IZUMO2: variants seen among roughly 807,000 people sequenced by gnomAD.
IZUMO2 encodes izumo sperm-egg fusion protein 2.
In IZUMO2, 24 loss-of-function variants were observed where a neutral mutation model predicts 31.2. That is an observed-to-expected ratio of 0.77 (90% CI 0.56 to 1.08). IZUMO2 has a LOEUF of 1.08. Ranked by LOEUF, IZUMO2 falls within the 50% of genes least tolerant of loss-of-function variation. IZUMO2 has a pLI of 0.00. For missense variants in IZUMO2, 278 were observed against 274.0 expected, an observed-to-expected ratio of 1.01 and a Z score of -0.10; for synonymous variants, 144 against 117.3, an observed-to-expected ratio of 1.23 and a Z score of -1.47.
chr19:50,163,167 G>A lies in IZUMO2; in HGVS notation c.28C>T (p.Leu10Phe), dbSNP rs779520719. 1.7e-5 allele frequency: 26 copies of A among 1,558,532 alleles called. No individual in the cohort carries two copies. Among genetic ancestry groups the A allele is most frequent in the Non-Finnish European group, 2.2e-5 (25 of 1,152,398 alleles). The change falls in exon 1 of 7, where the codon CTC (leucine) becomes TTC (phenylalanine). Residue 10 changes from leucine to phenylalanine, a missense_variant. Transcript: ENST00000293405. MPLALTLLLLSGLGAPGGWG... is the reference protein window; with the variant it reads MPLALTLLLFSGLGAPGGWG... ...CCTCCGGGGGCGCCCAAGCCCGAGA[G>A]CAGCAGAAGGGTCAAAGCCAGAGGC...
chr19:50,159,282 T>G lies in IZUMO2; in HGVS notation c.395-32A>C, dbSNP rs985621256. 18 of 1,607,360 alleles carry G rather than the reference T, an allele frequency of 1.1e-5. No individual in the cohort carries two copies. The African/African-American group carries it at 2.3e-4, about 20-fold the overall frequency. On this transcript the variant is annotated intron_variant, in intron 3 of 6. Coordinates refer to ENST00000293405, the MANE Select transcript of IZUMO2 (RefSeq NM_152358.3). ...GAGAAAATTGCTGAGGTGAGTTAAA[T>G]TGGGATGGCAACTTGATAATTTAAT...
intron 2 of IZUMO2, 104 bp downstream of exon 2, chr19:50,162,635 T>A: frequency 1.1e-6 from 1 of 942,174 alleles, no homozygotes; most frequent in South Asian, 1.4e-5. Context: ...AAAAAAAGGC[T>A]ACATTGCATG....
At chr19:50,157,049 G>T (rs973877177) in intron 5 of IZUMO2, among the ~76,000 whole-genome samples, 1 of 152,092 alleles carries the variant, frequency 6.6e-6, no homozygotes, top group Non-Finnish European at 1.5e-5. Flanking sequence ...TGGTGTCTGT[G>T]GTTTCTTTTA....
intron 5 of IZUMO2, among the ~76,000 whole-genome samples, chr19:50,156,980 C>T (rs2030231379): frequency 6.6e-6 from 1 of 152,136 alleles, no homozygotes; most frequent in Non-Finnish European, 1.5e-5. Flanking sequence ...GTGGGAACGA[C>T]ATTGTGGCTA....
rs773874509 is a variant in IZUMO2, at chr19:50,152,556, T to C, written c.*53A>G. On this transcript the variant is annotated 3_prime_UTR_variant, in exon 7 of 7. Transcript: ENST00000293405. ...ATGGACAGAGACATTGATGGATTTG[T>C]CACCAATTTTATTAAATTTATTTTC... 2 of 1,478,576 alleles carry C rather than the reference T, an allele frequency of 1.4e-6. No individual in the cohort carries two copies. The highest frequency in any genetic ancestry group is 1.9e-6 in the Non-Finnish European group (2 of 1,057,008). The allele number at this position is 1,478,576 out of a possible 1,614,324, so 91.6% of individuals were successfully genotyped here. A position where few individuals can be genotyped will look rare whatever the true frequency, so the allele number is the denominator to read the frequency against.
chr19:50,158,531 T>C lies in IZUMO2; in HGVS notation c.416-183A>G, dbSNP rs145233940. Among the ~76,000 whole-genome samples, 8 of 152,356 alleles carry C rather than the reference T, an allele frequency of 5.3e-5. No individual in the cohort carries two copies. In the East Asian group the frequency reaches 1.5e-3, roughly 29 times the overall value. ...CAATTCACATAAAAAATAATTGTTA[T>C]ATAATCATTGAAGAACTAAATTCAT... On this transcript the variant is annotated intron_variant, in intron 4 of 6. Transcript: ENST00000293405.
chr19:50,158,476 C>A, intron 4 of IZUMO2, 128 bp from the exon 5 acceptor site: 1 of 547,680 alleles, frequency 1.8e-6, no homozygotes, highest in South Asian at 2.8e-5. Context: ...GTCCCACTGC[C>A]CAGCAGAGGA....
At chr19:50,160,372 G>C (rs1172462524) in intron 2 of IZUMO2, 1 of 152,026 alleles carries the variant, frequency 6.6e-6, no homozygotes, top group Non-Finnish European at 1.5e-5. Context: ...TAATTCCTAT[G>C]TGGATTGCAT....
intron 5 of IZUMO2, among the ~76,000 whole-genome samples, chr19:50,157,249 AAAAG>A (rs2030240788): frequency 6.6e-6 from 1 of 152,064 alleles, no homozygotes; most frequent in South Asian, 2.1e-4. Context: ...ACAGCATGTG[AAAAG>A]ATCCAGCATG....
intron 2 of IZUMO2, among the ~76,000 whole-genome samples, 194 bp downstream of exon 2, chr19:50,162,545 G>A (rs1218648219): frequency 2.0e-5 from 3 of 152,110 alleles, no homozygotes; most frequent in African/African-American, 7.2e-5. Flanking sequence ...AGCCCTGGAG[G>A]TCGAGGCTGC....
At chr19:50,155,054 T>C (rs886172589) in intron 5 of IZUMO2, among the ~76,000 whole-genome samples, 2 of 152,034 alleles carry the variant, frequency 1.3e-5, no homozygotes, top group Non-Finnish European at 2.9e-5. Flanking sequence ...AGCATTTCAT[T>C]TGATGGGATG....
rs367559452 is a variant in IZUMO2, at chr19:50,163,030, G to T, written c.165C>A (p.Ala55=). ...AAGGCCCCTCCATGCCCATCAGCACGGCCCCGGCGCGCGCCTGCAGCTGCT... is the reference window on the plus strand; with the variant it reads ...AAGGCCCCTCCATGCCCATCAGCACTGCCCCGGCGCGCGCCTGCAGCTGCT... ...QLEQLQARAG[A]VLMGMEGPFF... is the part of the protein sequence containing the mutation. Residue 55 remains alanine (A), a synonymous_variant, in exon 1 of 7, where the codon GCC becomes GCA. Transcript: ENST00000293405. 6.2e-7 allele frequency: 1 copy of T among 1,612,606 alleles called. No homozygotes were observed. The highest frequency in any genetic ancestry group is 1.1e-5 in the South Asian group (1 of 91,004).
rs745314800 is a variant in IZUMO2 at position 50,163,163 on chromosome 19, G to A, written c.32C>T (p.Ser11Leu). The A allele has an allele frequency of 1.5e-5, 23 of 1,560,562 alleles. No individual in the cohort carries two copies. Among genetic ancestry groups the A allele is most frequent in the South Asian group, 3.5e-5 (3 of 85,456 alleles). The stretch of plus-strand genomic sequence containing the variant: ...CCAGCCTCCGGGGGCGCCCAAGCCC[G>A]AGAGCAGCAGAAGGGTCAAAGCCAG... MPLALTLLLL[S>L]GLGAPGGWGC... The change falls in exon 1 of 7, where the codon TCG (serine) becomes TTG (leucine). Residue 11 changes from serine to leucine, a missense_variant. Coordinates refer to ENST00000293405, the MANE Select transcript of IZUMO2 (RefSeq NM_152358.3).
At position 50,162,769 on chromosome 19, in the gene IZUMO2, T is replaced by A; in HGVS notation, c.277A>T (p.Thr93Ser). 1.2e-6 allele frequency: 2 copies of A among 1,614,036 alleles called. No individual in the cohort carries two copies. The highest frequency in any genetic ancestry group is 1.7e-6 in the Non-Finnish European group (2 of 1,180,006). The change falls in exon 2 of 7, where the codon ACG becomes TCG. Residue 93 changes from threonine (T) to serine (S), a missense_variant. Thr to Ser is a moderately conservative substitution (Grantham distance 58). Transcript: ENST00000293405. Reference protein sequence around the residue: ...DLVASFVKNQTQHLMGNSLKD... With the variant: ...DLVASFVKNQSQHLMGNSLKD... ...AGAGAGTTACCCATTAAGTGCTGCG[T>A]TTGGTTCTTGACAAAGGACGCCACA...
intron 4 of IZUMO2, 53 bp downstream of exon 4, chr19:50,159,177 G>A (rs376333457): frequency 2.8e-5 from 45 of 1,582,366 alleles, no homozygotes; most frequent in Non-Finnish European, 3.9e-5. Context: ...GGGAGACAGG[G>A]TGAAGGGGGT....
chr19:50,159,227 C>A lies in IZUMO2; in HGVS notation c.415+3G>T. 1 of 1,610,794 alleles carries A rather than the reference C, an allele frequency of 6.2e-7. No individual in the cohort carries two copies. On this transcript the variant is annotated splice_donor_region_variant and intron_variant, in intron 4 of 6. Transcript: ENST00000293405. ...AGGGAGAGATAGACGATCCAGAACTCACGGCAAAGTTTGGGGTTGCAGGCT... is the reference window on the plus strand; with the variant it reads ...AGGGAGAGATAGACGATCCAGAACTAACGGCAAAGTTTGGGGTTGCAGGCT...
Position 50,163,145 on chromosome 19 carries a change from C to G in IZUMO2, c.50G>C (p.Gly17Ala). ...LLLLSGLGAPGGWGCLQCDPL... is the reference protein window; with the variant it reads ...LLLLSGLGAPAGWGCLQCDPL... ...GTCGCACTGCAGGCAGCCCCAGCCTCCGGGGGCGCCCAAGCCCGAGAGCAG... is the reference window on the plus strand; with the variant it reads ...GTCGCACTGCAGGCAGCCCCAGCCTGCGGGGGCGCCCAAGCCCGAGAGCAG... Residue 17 changes from glycine (G) to alanine (A), a missense_variant, in exon 1 of 7, where the codon GGA becomes GCA. Gly to Ala is a moderately conservative substitution (Grantham distance 60). Coordinates refer to ENST00000293405, the MANE Select transcript of IZUMO2 (RefSeq NM_152358.3). The G allele has an allele frequency of 1.9e-6, 3 of 1,577,950 alleles. No homozygotes were observed. The highest frequency in any genetic ancestry group is 1.9e-4 in the Middle Eastern group (1 of 5,328).
Position 50,159,540 on chromosome 19 carries a change from A to G in IZUMO2, c.348T>C (p.Asn116=), listed in dbSNP as rs371744113. The change falls in exon 3 of 7, where the codon AAT becomes AAC. Residue 116 remains asparagine (N), a synonymous_variant. Coordinates refer to ENST00000293405, the MANE Select transcript of IZUMO2 (RefSeq NM_152358.3). ...AAACTTTCTTGAATTCCTTGATCAC[A>G]TTCGCCCTGAGGGTCACCAGCTCTT... ...LLEELVTLRA[N]VIKEFKKVLI... 5.6e-5 allele frequency: 90 copies of G among 1,613,562 alleles called. No homozygotes were observed. The highest frequency in any genetic ancestry group is 7.5e-5 in the Non-Finnish European group (89 of 1,179,694).
At position 50,163,281 on chromosome 19, in the gene IZUMO2, C is replaced by A; in HGVS notation, c.-87G>T. 2.1e-6 allele frequency: 2 copies of A among 951,452 alleles called. No homozygotes were observed. Among genetic ancestry groups the A allele is most frequent in the Non-Finnish European group, 1.6e-6 (1 of 621,880 alleles). The allele number at this position is 951,452 out of a possible 1,614,324, so 58.9% of individuals were successfully genotyped here. A position where few individuals can be genotyped will look rare whatever the true frequency, so the allele number is the denominator to read the frequency against. On this transcript the variant is annotated 5_prime_UTR_variant, in exon 1 of 7. Coordinates refer to ENST00000293405, the MANE Select transcript of IZUMO2 (RefSeq NM_152358.3). ...CGGTCAGGAGGCCCAGGGAGCATCA[C>A]GGTGTTACAGGCACGTGTTCGCTGA...
Sources: gnomAD v4.1 joint callset for allele counts (sites outside exome capture counted in the v4.1 genomes callset) on GRCh38, gnomAD v4.1.1 for gene constraint, MANE v1.5 for transcripts, NCBI Gene and HGNC (gene_info 2026-07-23, HGNC 2026-07-21) for gene names.